NCALD: variants seen among roughly 807,000 people sequenced by gnomAD.
The protein encoded by NCALD is neurocalcin-delta.
Under a neutral mutation model 18.6 loss-of-function variants are expected in NCALD, and 10 were observed. That is an observed-to-expected ratio of 0.54 (90% CI 0.33 to 0.91). The LOEUF (loss-of-function observed/expected upper bound fraction) is 0.91. Ranked by LOEUF, NCALD falls within the 40% of genes least tolerant of loss-of-function variation. The pLI is 0.03. For missense variants in NCALD, 184 were observed against 247.6 expected (o/e 0.74, Z 1.72); for synonymous variants, 88 against 87.4 (o/e 1.01, Z -0.04).
chr8:101,709,362 C>T (rs74327591), intron 2 of NCALD, among the ~76,000 whole-genome samples: 3,939 of 152,268 alleles, frequency 0.026, 134 homozygotes, highest in African/African-American at 0.078. Flanking sequence ...TCCTTTGGTT[C>T]CTTCTTTATC....
intron 3 of NCALD, among the ~76,000 whole-genome samples, chr8:101,899,329 C>T (rs1264939857): frequency 6.6e-6 from 1 of 151,832 alleles, no homozygotes; most frequent in East Asian, 1.9e-4. Flanking sequence ...AATCGTGTTG[C>T]CTGCAAATAG....
chr8:101,991,514 CA>C (rs1189004877), intron 2 of NCALD, among the ~76,000 whole-genome samples: 4 of 152,114 alleles, frequency 2.6e-5, no homozygotes, highest in Non-Finnish European at 5.9e-5. Context: ...CAGAAGGTTA[CA>C]AAAAGTTACC....
At chr8:101,941,929 T>A (rs1465782833) in intron 2 of NCALD, among the ~76,000 whole-genome samples, 1 of 152,230 alleles carries the variant, frequency 6.6e-6, no homozygotes, top group East Asian at 1.9e-4. Flanking sequence ...TCTTTTCTTT[T>A]TCTTTTTTCC....
At chr8:101,709,559 A>G (rs898044753) in intron 2 of NCALD, among the ~76,000 whole-genome samples, 2 of 152,236 alleles carry the variant, frequency 1.3e-5, no homozygotes, top group Non-Finnish European at 2.9e-5. Flanking sequence ...TTCTTCCTAC[A>G]TTAGCTCCCC....
intron 2 of NCALD, among the ~76,000 whole-genome samples, chr8:101,989,235 T>A (rs1463273805): frequency 1.3e-5 from 2 of 152,184 alleles, no homozygotes; most frequent in Non-Finnish European, 2.9e-5. Context: ...AAGCAGTGAA[T>A]GTCAGTGAGC....
At chr8:101,977,575 C>T (rs1056782695) in intron 2 of NCALD, among the ~76,000 whole-genome samples, 6 of 152,214 alleles carry the variant, frequency 3.9e-5, no homozygotes, top group Non-Finnish European at 7.3e-5. Flanking sequence ...TTAGACACTT[C>T]CTGCTCTTAC....
chr8:102,006,929 G>A (rs1405613829), intron 2 of NCALD, among the ~76,000 whole-genome samples: 1 of 152,188 alleles, frequency 6.6e-6, no homozygotes, highest in Non-Finnish European at 1.5e-5. Context: ...GGGATGAAGA[G>A]CACAAGGCAC....
At chr8:101,786,063 G>A (rs539418160) in intron 1 of NCALD, 1 of 152,418 alleles carries the variant, frequency 6.6e-6, no homozygotes, top group South Asian at 2.1e-4. Context: ...CTGTGGGAAA[G>A]AGAACCCCAG....
At chr8:101,749,445 A>G (rs1251816207) in intron 1 of NCALD, among the ~76,000 whole-genome samples, 2 of 152,184 alleles carry the variant, frequency 1.3e-5, no homozygotes, top group Non-Finnish European at 2.9e-5. Context: ...TCTGACAAGA[A>G]GACTATTACA....
At chr8:101,945,591 A>C (rs1040506012) in intron 2 of NCALD, among the ~76,000 whole-genome samples, 8 of 152,200 alleles carry the variant, frequency 5.3e-5, no homozygotes, top group African/African-American at 1.9e-4. Context: ...AGTACGGAAA[A>C]GAGCATGAGA....
intron 2 of NCALD, among the ~76,000 whole-genome samples, chr8:102,011,929 C>T (rs560539206): frequency 6.6e-6 from 1 of 152,214 alleles, no homozygotes; most frequent in African/African-American, 2.4e-5. Flanking sequence ...TGTATCTCTC[C>T]CATGGAAAAA....
intron 1 of NCALD, among the ~76,000 whole-genome samples, chr8:102,102,349 C>A (rs1332707770): frequency 6.6e-6 from 1 of 152,174 alleles, no homozygotes; most frequent in Non-Finnish European, 1.5e-5. Flanking sequence ...GAGACGGAGG[C>A]AGAAACTACC....
intron 2 of NCALD, among the ~76,000 whole-genome samples, chr8:102,007,919 T>G (rs927311997): frequency 6.6e-6 from 1 of 152,208 alleles, no homozygotes; most frequent in African/African-American, 2.4e-5. Flanking sequence ...AGGAGCTAGA[T>G]TTTCAGTTTC....
At chr8:101,897,944 T>G (rs1817268366) in intron 3 of NCALD, among the ~76,000 whole-genome samples, 1 of 152,202 alleles carries the variant, frequency 6.6e-6, no homozygotes, top group African/African-American at 2.4e-5. Flanking sequence ...GTTCCCCCAA[T>G]GTGTTCTCAT....
At chr8:101,985,128 G>C (rs1820756744) in intron 2 of NCALD, among the ~76,000 whole-genome samples, 1 of 152,144 alleles carries the variant, frequency 6.6e-6, no homozygotes, top group Non-Finnish European at 1.5e-5. Flanking sequence ...TTCACCTTTG[G>C]AACTCCGCCG....
intron 2 of NCALD, among the ~76,000 whole-genome samples, chr8:101,694,864 T>C (rs1179765170): frequency 1.3e-5 from 2 of 152,080 alleles, no homozygotes; most frequent in Admixed American, 6.6e-5. Context: ...TTTTTGCAAA[T>C]GGGAGAAGAG....
chr8:101,847,234 T>C, intron 4 of NCALD: 1 of 207,492 alleles, frequency 4.8e-6, no homozygotes, highest in Non-Finnish European at 1.0e-5. Context: ...CCCTTCTTCT[T>C]CTTTTTTTTT....
chr8:101,771,565 C>T (rs1427036514), intron 1 of NCALD, among the ~76,000 whole-genome samples: 1 of 152,096 alleles, frequency 6.6e-6, no homozygotes, highest in East Asian at 1.9e-4. Context: ...ACAGGGCCTA[C>T]CAGGACATCA....
Position 101,899,552 on chromosome 8 carries a change from A to C in NCALD, c.-106-12325T>G, listed in dbSNP as rs1195622352. On this transcript the variant is annotated intron_variant, in intron 3 of 6. Coordinates refer to the NCALD transcript ENST00000311028. ...TAGATACTCTTTATCAATTTGAGGG[A>C]GATTCCTTCTATTCTTATTTCTCTA... 3.3e-5 allele frequency among the ~76,000 whole-genome samples: 5 copies of C among 151,898 alleles called. No individual in the cohort carries two copies. The East Asian group carries it at 9.6e-4, about 29-fold the overall frequency.
Sources: gnomAD v4.1 joint callset for allele counts (sites outside exome capture counted in the v4.1 genomes callset) on GRCh38, gnomAD v4.1.1 for gene constraint, MANE v1.5 for transcripts, NCBI Gene and HGNC (gene_info 2026-07-23, HGNC 2026-07-21) for gene names.